Variants in NOS1AP observed in about 807,000 individuals in gnomAD.
The protein encoded by NOS1AP is nitric oxide synthase 1 adaptor protein, also known as carboxyl-terminal PDZ ligand of neuronal nitric oxide synthase protein.
In NOS1AP, 21 loss-of-function variants were observed where a neutral mutation model predicts 56.2. The observed-to-expected ratio is 0.37, with a 90% CI of 0.26 to 0.54. NOS1AP has a LOEUF of 0.54. NOS1AP is among the 20% of genes least tolerant of loss of function. The pLI is 0.84. For synonymous variants in NOS1AP, 270 were observed against 274.6 expected (o/e 0.98, Z 0.17); for missense variants, 522 against 657.8 (o/e 0.79, Z 2.26).
intron 1 of NOS1AP, among the ~76,000 whole-genome samples, chr1:162,123,211 A>G (rs1392701429): frequency 6.6e-6 from 1 of 152,224 alleles, no homozygotes; most frequent in Non-Finnish European, 1.5e-5. Flanking sequence ...CAAAGCTACT[A>G]ACATAGTATA....
chr1:162,176,893 A>G (rs1190932766), intron 2 of NOS1AP, among the ~76,000 whole-genome samples: 1 of 152,184 alleles, frequency 6.6e-6, no homozygotes, highest in Admixed American at 6.5e-5. Context: ...CCAGATTTTG[A>G]TGATTACGAA....
At chr1:162,317,596 A>G (rs1656271420) in intron 4 of NOS1AP, among the ~76,000 whole-genome samples, 1 of 152,200 alleles carries the variant, frequency 6.6e-6, no homozygotes, top group South Asian at 2.1e-4. Context: ...ACAGATCCCA[A>G]GAGAGCATGT....
chr1:162,114,098 T>C lies in NOS1AP; in HGVS notation c.106-40307T>C, dbSNP rs550702013. 1.1e-4 allele frequency among the ~76,000 whole-genome samples: 16 copies of C among 152,288 alleles called. No individual in the cohort carries two copies. The South Asian group carries it at 3.1e-3, about 30-fold the overall frequency. On this transcript the variant is annotated intron_variant, in intron 1 of 9. Transcript: ENST00000361897. ...TTAAGGTGGCACAGTGTTTGGATTATAAACAAACACTTAATTTGAATGGAA... is the reference window on the plus strand; with the variant it reads ...TTAAGGTGGCACAGTGTTTGGATTACAAACAAACACTTAATTTGAATGGAA...
At chr1:162,317,621 C>G (rs1052786179) in intron 4 of NOS1AP, 3 of 152,182 alleles carry the variant, frequency 2.0e-5, no homozygotes, top group Non-Finnish European at 4.4e-5. Flanking sequence ...TTGGCTAGGC[C>G]TCCCCACCCT....
chr1:162,295,697 G>T (rs951384108), intron 3 of NOS1AP, among the ~76,000 whole-genome samples: 6 of 152,218 alleles, frequency 3.9e-5, no homozygotes, highest in Non-Finnish European at 7.3e-5. Context: ...TAAGACATTG[G>T]TGACAATCAT....
At chr1:162,359,623 A>C (rs1657822627) in intron 8 of NOS1AP, among the ~76,000 whole-genome samples, 1 of 152,146 alleles carries the variant, frequency 6.6e-6, no homozygotes, top group South Asian at 2.1e-4. Context: ...GGGTAAAAAC[A>C]ATTACGTAAG....
rs376107615 is a variant in NOS1AP, at chr1:162,290,666, C to G, written c.270+3230C>G. On this transcript the variant is annotated intron_variant, in intron 3 of 9. Transcript: ENST00000361897. ...GGCAATGGTTCCATGTACAGCCTGACATTGCCCACTGATTCGTTGGTGCTT... is the reference window on the plus strand; with the variant it reads ...GGCAATGGTTCCATGTACAGCCTGAGATTGCCCACTGATTCGTTGGTGCTT... 5.3e-5 allele frequency among the ~76,000 whole-genome samples: 8 copies of G among 152,338 alleles called. No homozygotes were observed. In the East Asian group the frequency reaches 1.4e-3, roughly 26 times the overall value.
In NOS1AP at chr1:162,343,399, C is replaced by T. The variant is rs1657174032; in HGVS notation, c.454-436C>T. ...TGTTTAGGCCATGGCTTCCAAGCCTCATGTTACCACTGCCCTTGGTCTGCA... is the reference window on the plus strand; with the variant it reads ...TGTTTAGGCCATGGCTTCCAAGCCTTATGTTACCACTGCCCTTGGTCTGCA... On this transcript the variant is annotated intron_variant, in intron 5 of 9. Transcript: ENST00000361897. Among the ~76,000 whole-genome samples, 5 of 152,200 alleles carry T rather than the reference C, an allele frequency of 3.3e-5. No homozygotes were observed. In the South Asian group the frequency reaches 1.0e-3, roughly 31 times the overall value.
intron 2 of NOS1AP, among the ~76,000 whole-genome samples, chr1:162,186,012 C>T (rs1211813571): frequency 1.3e-5 from 2 of 152,294 alleles, no homozygotes. Context: ...TCTTCCTTCT[C>T]CTCCTCCTTC....
At chr1:162,220,626 A>G (rs1652738272) in intron 2 of NOS1AP, among the ~76,000 whole-genome samples, 1 of 152,260 alleles carries the variant, frequency 6.6e-6, no homozygotes, top group East Asian at 1.9e-4. Flanking sequence ...GTTTTGTCAG[A>G]TGGATGCTTT....
chr1:162,195,278 G>A (rs1254980095), intron 2 of NOS1AP, among the ~76,000 whole-genome samples: 2 of 152,092 alleles, frequency 1.3e-5, no homozygotes, highest in East Asian at 1.9e-4. Context: ...TTCTCAGCAT[G>A]AAGTTGGTAC....
At chr1:162,221,787 T>C (rs970569241) in intron 2 of NOS1AP, among the ~76,000 whole-genome samples, 17 of 152,208 alleles carry the variant, frequency 1.1e-4, no homozygotes, top group African/African-American at 3.9e-4. Flanking sequence ...TCAGTAAATG[T>C]CAGCTACTTT....
chr1:162,246,843 C>T (rs1653681408), intron 2 of NOS1AP, among the ~76,000 whole-genome samples: 1 of 151,914 alleles, frequency 6.6e-6, no homozygotes, highest in South Asian at 2.1e-4. Flanking sequence ...AGTTTGTCCT[C>T]GCTAGAGAGA....
chr1:162,236,200 G>A (rs977414415), intron 2 of NOS1AP, among the ~76,000 whole-genome samples: 2 of 152,078 alleles, frequency 1.3e-5, no homozygotes, highest in Non-Finnish European at 2.9e-5. Flanking sequence ...CAACTCCATA[G>A]TACAGTTCAG....
chr1:162,069,955 A>G lies in NOS1AP; in HGVS notation c.-223A>G, dbSNP rs1174080137. On this transcript the variant is annotated 5_prime_UTR_variant, in exon 1 of 10. Coordinates refer to ENST00000361897, the MANE Select transcript of NOS1AP (RefSeq NM_014697.3). ...CCTCCTAGCCGGCAGGAATTGCGCG[A>G]CCACAGCGCCGCTCGCGTCGCCCGC... 3 of 248,106 alleles carry G rather than the reference A, an allele frequency of 1.2e-5. No homozygotes were observed. Among genetic ancestry groups the G allele is most frequent in the African/African-American group, 6.9e-5 (3 of 43,700 alleles). 15.4% of individuals were successfully genotyped at this position (248,106 alleles called of 1,614,324 possible). A position where few individuals can be genotyped will look rare whatever the true frequency, so the allele number is the denominator to read the frequency against.
intron 8 of NOS1AP, among the ~76,000 whole-genome samples, chr1:162,358,201 C>T (rs185667412): frequency 5.3e-4 from 81 of 152,308 alleles, no homozygotes; most frequent in African/African-American, 1.9e-3. Context: ...TACTCTTGTC[C>T]TGGCTCTTGA....
At chr1:162,071,472 A>C (rs771489697) in intron 1 of NOS1AP, among the ~76,000 whole-genome samples, 5 of 151,904 alleles carry the variant, frequency 3.3e-5, no homozygotes, top group Non-Finnish European at 7.4e-5. Flanking sequence ...TTTCTTTCTC[A>C]TGTATATGGG....
intron 1 of NOS1AP, among the ~76,000 whole-genome samples, chr1:162,145,890 G>A (rs1295582163): frequency 6.6e-6 from 1 of 152,196 alleles, no homozygotes; most frequent in Non-Finnish European, 1.5e-5. Flanking sequence ...GACCCCCAAG[G>A]GAGAGAGTTT....
chr1:162,258,849 A>T (rs1654117487), intron 2 of NOS1AP, among the ~76,000 whole-genome samples: 1 of 152,210 alleles, frequency 6.6e-6, no homozygotes, highest in Non-Finnish European at 1.5e-5. Flanking sequence ...AGTGGGCTTG[A>T]TACAGAGTCC....
Sources: gnomAD v4.1 joint callset for allele counts (sites outside exome capture counted in the v4.1 genomes callset) on GRCh38, gnomAD v4.1.1 for gene constraint, MANE v1.5 for transcripts, NCBI Gene and HGNC (gene_info 2026-07-23, HGNC 2026-07-21) for gene names.